PRH1: variants seen among roughly 807,000 people sequenced by gnomAD.
PRH1 encodes salivary acidic proline-rich phosphoprotein 1/2.
A neutral mutation model predicts 7.9 loss-of-function variants in PRH1; 7 were observed. The ratio of observed to expected loss-of-function variants is 0.89; its 90% CI spans 0.50 to 1.67. The LOEUF is 1.67. Ranked by LOEUF, PRH1 falls within the 40% of genes most tolerant of loss-of-function variation. The pLI is 0.00. For missense variants in PRH1, 109 were observed against 223.6 expected, an observed-to-expected ratio of 0.49 and a Z score of 3.27; for synonymous variants, 45 against 80.8, an observed-to-expected ratio of 0.56 and a Z score of 2.38.
chr12:10,892,598 A>C (rs1949590824), intron 2 of PRH1, among the ~76,000 whole-genome samples: 1 of 152,138 alleles, frequency 6.6e-6, no homozygotes, highest in East Asian at 1.9e-4. Flanking sequence ...AATTGCTAAA[A>C]TCATTATCAG....
rs150764242 is a variant in PRH1 at position 10,929,189 on chromosome 12, G to A, written c.-59+44466C>T. On this transcript the variant is annotated intron_variant, in intron 2 of 3. Coordinates refer to the PRH1 transcript ENST00000539853. ...CCCACCTGGTAGGGAGCTCAAATGC[G>A]CCATTGTCCTGCTTGTCTTTATAAA... 770 of 1,590,126 alleles carry A rather than the reference G, an allele frequency of 4.8e-4. 5 individuals are homozygous for A. The African/African-American group carries it at 8.5e-3, about 18-fold the overall frequency.
chr12:11,144,296 A>C (rs1946800430), intron 1 of PRH1, among the ~76,000 whole-genome samples: 2 of 152,054 alleles, frequency 1.3e-5, no homozygotes, highest in Non-Finnish European at 2.9e-5. Flanking sequence ...TGAGATTCCC[A>C]GGTCACTGGA....
chr12:11,059,510 C>A (rs1943500080), intron 1 of PRH1, among the ~76,000 whole-genome samples: 1 of 152,094 alleles, frequency 6.6e-6, no homozygotes, highest in Non-Finnish European at 1.5e-5. Context: ...TAATAATCAA[C>A]TAGAAAATAT....
chr12:10,896,491 G>T (rs1020180004), intron 2 of PRH1, among the ~76,000 whole-genome samples: 1 of 152,102 alleles, frequency 6.6e-6, no homozygotes, highest in African/African-American at 2.4e-5. Context: ...GCCAGGCACG[G>T]TGGCTCACGC....
intron 1 of PRH1, among the ~76,000 whole-genome samples, chr12:11,154,168 A>G (rs1172248461): frequency 1.3e-5 from 2 of 152,224 alleles, no homozygotes; most frequent in Admixed American, 6.5e-5. Context: ...TACGGATACA[A>G]TCAAACAATG....
chr12:11,037,516 A>G (rs1315450785), intron 1 of PRH1, among the ~76,000 whole-genome samples: 1 of 152,250 alleles, frequency 6.6e-6, no homozygotes, highest in East Asian at 1.9e-4. Flanking sequence ...TATTTCATTT[A>G]GAGACACATT....
At chr12:10,964,766 A>C (rs1474046104) in intron 2 of PRH1, 1 of 646,602 alleles carries the variant, frequency 1.5e-6, no homozygotes, top group Non-Finnish European at 2.8e-6. Flanking sequence ...GATTAAGAGC[A>C]GAAAAGATAA....
chr12:11,100,130 A>C (rs35097305), intron 1 of PRH1, among the ~76,000 whole-genome samples: 44,001 of 152,006 alleles, frequency 0.29, 8,241 homozygotes, highest in East Asian at 0.74. Flanking sequence ...CTAATCAAAA[A>C]CTTTAATATT....
At chr12:11,064,274 C>A (rs1212624182) in intron 1 of PRH1, among the ~76,000 whole-genome samples, 1 of 152,212 alleles carries the variant, frequency 6.6e-6, no homozygotes, top group Non-Finnish European at 1.5e-5. Context: ...TGCAATCCTA[C>A]ATGTTCTTCT....
chr12:11,028,458 C>A (rs1942026403), intron 1 of PRH1, among the ~76,000 whole-genome samples: 1 of 152,236 alleles, frequency 6.6e-6, no homozygotes, highest in Non-Finnish European at 1.5e-5. Flanking sequence ...CATTGTTTCA[C>A]ATTTGTTCCG....
chr12:11,056,768 A>G (rs1943376505), intron 1 of PRH1, among the ~76,000 whole-genome samples: 1 of 152,136 alleles, frequency 6.6e-6, no homozygotes, highest in Non-Finnish European at 1.5e-5. Context: ...TAGTTAGTCG[A>G]GATCACACCA....
In PRH1 at chr12:11,113,844, G is replaced by A. The variant is rs189900432; in HGVS notation, n.123+57578C>T. On this transcript the variant is annotated intron_variant and non_coding_transcript_variant, in intron 1 of 4. Transcript: ENST00000541977. ...ACAACCCCATCAAAAAGTGGGTGGAGGATATGAGCAGACACTTCTCAAAAG... is the reference window on the plus strand; with the variant it reads ...ACAACCCCATCAAAAAGTGGGTGGAAGATATGAGCAGACACTTCTCAAAAG... Among the ~76,000 whole-genome samples the A allele has an allele frequency of 2.7e-4, 41 of 152,194 alleles. 1 individual carries two copies. The highest frequency in any genetic ancestry group is 5.3e-4 in the Non-Finnish European group (36 of 67,992).
intron 2 of PRH1, among the ~76,000 whole-genome samples, chr12:10,956,318 A>C (rs1937954507): frequency 6.6e-6 from 1 of 152,226 alleles, no homozygotes; most frequent in South Asian, 2.1e-4. Context: ...AACTAACAAA[A>C]ACCACATTAC....
chr12:11,153,245 T>G (rs7962445), intron 1 of PRH1, among the ~76,000 whole-genome samples: 2 of 152,002 alleles, frequency 1.3e-5, no homozygotes, highest in Non-Finnish European at 2.9e-5. Flanking sequence ...ACTTAAGGCT[T>G]TGAATTACTA....
chr12:10,985,321 A>G (rs1939559381), intron 1 of PRH1, among the ~76,000 whole-genome samples: 2 of 152,140 alleles, frequency 1.3e-5, no homozygotes, highest in East Asian at 1.9e-4. Flanking sequence ...TGTTCTAAAT[A>G]TATTTGTCAT....
intron 1 of PRH1, among the ~76,000 whole-genome samples, chr12:11,152,428 T>C (rs898040147): frequency 3.9e-5 from 6 of 152,128 alleles, no homozygotes; most frequent in African/African-American, 1.2e-4. Flanking sequence ...TTTAGAAAAT[T>C]GCACATTAGA....
chr12:10,931,138 A>G, intron 2 of PRH1: 1 of 1,588,538 alleles, frequency 6.3e-7, no homozygotes, highest in Non-Finnish European at 8.5e-7. Flanking sequence ...CTCCAACTTC[A>G]TTGTGCCAGT....
intron 2 of PRH1, among the ~76,000 whole-genome samples, chr12:10,965,875 C>T (rs1459670212): frequency 6.6e-6 from 1 of 152,104 alleles, no homozygotes; most frequent in East Asian, 1.9e-4. Flanking sequence ...TAGACAAAAT[C>T]CAAACTTTTT....
chr12:11,029,363 A>G (rs1347985490), intron 1 of PRH1, among the ~76,000 whole-genome samples: 1 of 152,168 alleles, frequency 6.6e-6, no homozygotes, highest in Non-Finnish European at 1.5e-5. Context: ...TTTCATAGAT[A>G]CTTTTTTAAC....
Sources: allele counts gnomAD v4.1 joint callset (sites outside exome capture counted in the v4.1 genomes callset), GRCh38; gene constraint gnomAD v4.1.1; transcripts MANE v1.5; gene names NCBI Gene and HGNC (gene_info 2026-07-23, HGNC 2026-07-21).